CNTNAP2: variants seen among roughly 807,000 people sequenced by gnomAD.
CNTNAP2 encodes the protein contactin-associated protein-like 2.
CNTNAP2 carries 98 observed loss-of-function variants against 155.2 expected under a neutral mutation model. The ratio of observed to expected loss-of-function variants is 0.63; its 90% CI spans 0.54 to 0.75. The LOEUF is 0.75. Ranked by LOEUF, CNTNAP2 falls within the 30% of genes least tolerant of loss-of-function variation. The pLI, the probability that CNTNAP2 is intolerant of heterozygous loss-of-function variation, is 0.00. For missense variants in CNTNAP2, 1,727 were observed against 1,688.1 expected, an observed-to-expected ratio of 1.02 and a Z score of -0.40; for synonymous variants, 651 against 631.2, an observed-to-expected ratio of 1.03 and a Z score of -0.47.
chr7:147,409,725 A>T (rs971421700), intron 10 of CNTNAP2, among the ~76,000 whole-genome samples: 1 of 152,144 alleles, frequency 6.6e-6, no homozygotes, highest in African/African-American at 2.4e-5. Context: ...ATCCCACTAA[A>T]AAGTGGGCAA....
At chr7:148,116,354 A>T (rs1430298976) in intron 15 of CNTNAP2, among the ~76,000 whole-genome samples, 1 of 152,234 alleles carries the variant, frequency 6.6e-6, no homozygotes, top group Non-Finnish European at 1.5e-5. Context: ...CAATGTAAAT[A>T]CTGAAACGAA....
At chr7:147,030,901 G>T (rs952569590) in intron 3 of CNTNAP2, among the ~76,000 whole-genome samples, 1 of 152,020 alleles carries the variant, frequency 6.6e-6, no homozygotes, top group African/African-American at 2.4e-5. Flanking sequence ...ATATATAATA[G>T]ATATTTTTAA....
At chr7:146,176,288 A>G (rs189226782) in intron 1 of CNTNAP2, among the ~76,000 whole-genome samples, 1 of 152,302 alleles carries the variant, frequency 6.6e-6, no homozygotes, top group Admixed American at 6.5e-5. Context: ...AAACAGAGCA[A>G]ATAATTCCCT....
intron 1 of CNTNAP2, among the ~76,000 whole-genome samples, chr7:146,511,442 T>C (rs1291818290): frequency 6.6e-6 from 1 of 152,220 alleles, no homozygotes; most frequent in African/African-American, 2.4e-5. Context: ...TAAGGCTTTA[T>C]TGTTTTGAAG....
At chr7:147,570,917 T>C (rs1004270839) in intron 12 of CNTNAP2, among the ~76,000 whole-genome samples, 2 of 152,212 alleles carry the variant, frequency 1.3e-5, no homozygotes, top group African/African-American at 4.8e-5. Context: ...GAAATGAGCA[T>C]TTTTTATTCA....
intron 14 of CNTNAP2, among the ~76,000 whole-genome samples, chr7:147,938,535 G>T (rs1800657820): frequency 6.6e-6 from 1 of 151,972 alleles, no homozygotes; most frequent in Non-Finnish European, 1.5e-5. Context: ...GGGAGATATT[G>T]GATCTCAATG....
intron 1 of CNTNAP2, among the ~76,000 whole-genome samples, chr7:146,724,847 G>A (rs535958030): frequency 6.6e-6 from 1 of 152,210 alleles, no homozygotes; most frequent in South Asian, 2.1e-4. Flanking sequence ...GGGATTACAG[G>A]CGTGAGCCAC....
At chr7:146,783,528 A>G (rs1802525021) in intron 2 of CNTNAP2, among the ~76,000 whole-genome samples, 1 of 152,224 alleles carries the variant, frequency 6.6e-6, no homozygotes, top group Non-Finnish European at 1.5e-5. Flanking sequence ...CTTGTTATAA[A>G]TGATAGAATG....
intron 8 of CNTNAP2, among the ~76,000 whole-genome samples, chr7:147,193,936 A>G (rs2116530493): frequency 6.6e-6 from 1 of 152,220 alleles, no homozygotes; most frequent in African/African-American, 2.4e-5. Flanking sequence ...ATGAATGCCA[A>G]TAATTATCTT....
At chr7:148,171,874 A>G (rs1242315750) in intron 17 of CNTNAP2, among the ~76,000 whole-genome samples, 1 of 152,234 alleles carries the variant, frequency 6.6e-6, no homozygotes, top group Non-Finnish European at 1.5e-5. Context: ...TATTTTTTCA[A>G]TAAGTAATGC....
At chr7:147,491,377 C>T (rs938473278) in intron 11 of CNTNAP2, among the ~76,000 whole-genome samples, 3 of 152,152 alleles carry the variant, frequency 2.0e-5, no homozygotes, top group Non-Finnish European at 4.4e-5. Flanking sequence ...TACATTTCTA[C>T]TCCTCCCTCA....
chr7:146,383,917 A>G (rs1584899644), intron 1 of CNTNAP2, among the ~76,000 whole-genome samples: 2 of 152,170 alleles, frequency 1.3e-5, no homozygotes, highest in Non-Finnish European at 2.9e-5. Flanking sequence ...TAGCATAATA[A>G]GTATCAATGA....
rs1359563562 is a variant in CNTNAP2, at chr7:147,750,924, C to T, written c.2098+111618C>T. On this transcript the variant is annotated intron_variant, in intron 13 of 23. Coordinates refer to ENST00000361727, the MANE Select transcript of CNTNAP2 (RefSeq NM_014141.6). ...GCATGGTGGTGGGCGCCTGAAGTCC[C>T]AGCTACTCAGGAGGCTGAGGCAGCA... Among the ~76,000 whole-genome samples, 3 of 152,200 alleles carry T rather than the reference C, an allele frequency of 2.0e-5. No homozygotes were observed. The East Asian group carries it at 5.8e-4, about 29-fold the overall frequency.
chr7:146,465,391 C>A (rs1455944701), intron 1 of CNTNAP2, among the ~76,000 whole-genome samples: 1 of 152,118 alleles, frequency 6.6e-6, no homozygotes, highest in Non-Finnish European at 1.5e-5. Context: ...CAGTCAGAAA[C>A]CTACCCAGCT....
chr7:147,046,665 A>G (rs902586550), intron 4 of CNTNAP2, among the ~76,000 whole-genome samples: 4 of 152,146 alleles, frequency 2.6e-5, no homozygotes, highest in Non-Finnish European at 4.4e-5. Flanking sequence ...TAATTTGGTT[A>G]TATCAATTTA....
chr7:147,987,747 T>A (rs1801643903), intron 15 of CNTNAP2, among the ~76,000 whole-genome samples: 1 of 152,118 alleles, frequency 6.6e-6, no homozygotes, highest in Non-Finnish European at 1.5e-5. Flanking sequence ...CAGGCTAGAG[T>A]GCAGTGGCAT....
chr7:148,393,942 T>C (rs980466241), intron 22 of CNTNAP2, among the ~76,000 whole-genome samples: 29 of 151,998 alleles, frequency 1.9e-4, no homozygotes, highest in Admixed American at 8.5e-4. Flanking sequence ...GATTTATAAG[T>C]ATTCTTAATA....
rs1418616462 is a variant in CNTNAP2 at position 146,720,891 on chromosome 7, C to A, written c.98-53380C>A. ...TATATATATTCTATATATATACTCT[C>A]TATATATATTCTATATATATACTCT... is the stretch of plus-strand genomic sequence containing the variant. On this transcript the variant is annotated intron_variant, in intron 1 of 23. Transcript: ENST00000361727. Among the ~76,000 whole-genome samples, 8 of 133,394 alleles carry A rather than the reference C, an allele frequency of 6.0e-5. No individual in the cohort carries two copies. In the South Asian group the frequency reaches 1.8e-3, roughly 31 times the overall value. 87.5% of individuals were successfully genotyped at this position (133,394 alleles called of 152,430 possible). A position where few individuals can be genotyped will look rare whatever the true frequency, so the allele number is the denominator to read the frequency against.
At chr7:146,483,330 C>CATATAT (rs760173787) in intron 1 of CNTNAP2, among the ~76,000 whole-genome samples, 1 of 40,294 alleles carries the variant, frequency 2.5e-5, no homozygotes. Context: ...TATATATATA[C>CATATAT]ATATATATAT....
Sources: gnomAD v4.1 joint callset for allele counts (sites outside exome capture counted in the v4.1 genomes callset) on GRCh38, gnomAD v4.1.1 for gene constraint, MANE v1.5 for transcripts, NCBI Gene and HGNC (gene_info 2026-07-23, HGNC 2026-07-21) for gene names.